The following CHCHD6 variants were observed in gnomAD, a reference collection of about 807,000 sequenced individuals.
CHCHD6 encodes coiled-coil-helix-coiled-coil-helix domain containing 6, also known as MICOS complex subunit MIC25.
In CHCHD6, 28 loss-of-function variants were observed where a neutral mutation model predicts 32.3. The ratio of observed to expected loss-of-function variants is 0.87; its 90% confidence interval spans 0.64 to 1.19. The LOEUF (loss-of-function observed/expected upper bound fraction) is 1.19, where lower values mean the gene tolerates loss of function less well. CHCHD6 is among the 50% of genes most tolerant of loss of function. The pLI is 0.00. For synonymous variants in CHCHD6, 122 were observed against 117.5 expected, an observed-to-expected ratio of 1.04 and a Z score of -0.25; for missense variants, 333 against 307.0, an observed-to-expected ratio of 1.08 and a Z score of -0.63.
rs1418823968 is a variant in CHCHD6, at chr3:126,763,245, T to TC, written c.411+30026dup. Among the ~76,000 whole-genome samples, 4 of 151,742 alleles carry TC rather than the reference T, an allele frequency of 2.6e-5. No homozygotes were observed. In the East Asian group the frequency reaches 7.8e-4, roughly 29 times the overall value. On this transcript the variant is annotated intron_variant, in intron 4 of 7. Coordinates refer to ENST00000290913, the MANE Select transcript of CHCHD6 (RefSeq NM_032343.3). ...TTCTTTTCCCTTTTCCTTTCCTTTT[T>TC]CCCTCTCCTTCCTTTCCTTCCCCTC...
intron 5 of CHCHD6, among the ~76,000 whole-genome samples, chr3:126,866,706 T>C (rs1049247075): frequency 7.9e-5 from 12 of 152,240 alleles, no homozygotes; most frequent in Non-Finnish European, 1.5e-5. Context: ...CGAGCCTTTC[T>C]TTCCTTGTCC....
intron 1 of CHCHD6, 60 bp downstream of exon 1, chr3:126,704,459 C>A: frequency 7.5e-6 from 8 of 1,067,802 alleles, no homozygotes; most frequent in African/African-American, 1.7e-5. Flanking sequence ...GGGGGAGGTG[C>A]GGGGCGGAGC....
At chr3:126,805,734 G>A (rs560918328) in intron 4 of CHCHD6, among the ~76,000 whole-genome samples, 111 of 152,202 alleles carry the variant, frequency 7.3e-4, no homozygotes, top group Admixed American at 2.0e-3. Flanking sequence ...AAAAGAGCCC[G>A]CATCGCCAAG....
In CHCHD6 at chr3:126,922,372, C is replaced by T. The variant is rs780430361; in HGVS notation, c.566+7622C>T. Among the ~76,000 whole-genome samples the T allele has an allele frequency of 1.3e-4, 20 of 152,180 alleles. No homozygotes were observed. The South Asian group carries it at 1.5e-3, about 11-fold the overall frequency. On this transcript the variant is annotated intron_variant, in intron 6 of 7. Transcript: ENST00000290913. ...TGTAAAACAGGGACGATGGTGGTGC[C>T]TACTTCTGTCAGCTTCTTATGAAAA...
intron 4 of CHCHD6, among the ~76,000 whole-genome samples, chr3:126,762,891 T>G (rs1269251291): frequency 6.6e-6 from 1 of 152,188 alleles, no homozygotes; most frequent in Non-Finnish European, 1.5e-5. Flanking sequence ...CACCCAGCTC[T>G]TTTAGTTATT....
intron 4 of CHCHD6, chr3:126,766,637 G>A (rs1937380850): frequency 9.7e-7 from 1 of 1,029,864 alleles, no homozygotes; most frequent in South Asian, 1.3e-5. Context: ...TCGGTGATGG[G>A]CCCCAGCTAT....
chr3:126,768,278 C>G lies in CHCHD6; in HGVS notation c.411+35056C>G, dbSNP rs73201778. ...GTAGCACCTCCCCTAACCTCTCTCTCTCGCTCCTGCTTCTGCCCTGTAAGA... is the reference window on the plus strand; with the variant it reads ...GTAGCACCTCCCCTAACCTCTCTCTGTCGCTCCTGCTTCTGCCCTGTAAGA... On this transcript the variant is annotated intron_variant, in intron 4 of 7. Transcript: ENST00000290913. Among the ~76,000 whole-genome samples the G allele has an allele frequency of 8.6e-3, 1,302 of 152,268 alleles. 10 individuals are homozygous for G. Among genetic ancestry groups the G allele is most frequent in the Middle Eastern group, 0.017 (5 of 294 alleles).
At chr3:126,795,240 A>G (rs958418410) in intron 4 of CHCHD6, among the ~76,000 whole-genome samples, 5 of 152,178 alleles carry the variant, frequency 3.3e-5, no homozygotes, top group African/African-American at 1.2e-4. Flanking sequence ...TCTGTCATTT[A>G]TAAGGTGTTT....
chr3:126,819,180 T>C (rs1413298846), intron 4 of CHCHD6, among the ~76,000 whole-genome samples: 3 of 152,324 alleles, frequency 2.0e-5, no homozygotes, highest in East Asian at 1.9e-4. Context: ...TCTGGCTTTT[T>C]TTCCAGATTG....
intron 1 of CHCHD6, among the ~76,000 whole-genome samples, chr3:126,722,230 G>A (rs1009726660): frequency 1.3e-5 from 2 of 152,232 alleles, no homozygotes; most frequent in African/African-American, 2.4e-5. Flanking sequence ...GTCATAGCTC[G>A]CTGTAACCAT....
At chr3:126,859,773 C>G (rs1325949626) in intron 5 of CHCHD6, among the ~76,000 whole-genome samples, 1 of 152,146 alleles carries the variant, frequency 6.6e-6, no homozygotes, top group Non-Finnish European at 1.5e-5. Flanking sequence ...CGTGCTGCCT[C>G]CCACCGCCTC....
intron 4 of CHCHD6, among the ~76,000 whole-genome samples, chr3:126,746,078 AGG>A (rs1317129563): frequency 6.6e-6 from 1 of 152,138 alleles, no homozygotes; most frequent in African/African-American, 2.4e-5. Flanking sequence ...AGGGTGGCTT[AGG>A]GGTATTGCTG....
intron 4 of CHCHD6, among the ~76,000 whole-genome samples, chr3:126,738,158 A>G (rs182256143): frequency 6.6e-6 from 1 of 152,274 alleles, no homozygotes; most frequent in Non-Finnish European, 1.5e-5. Context: ...CAATGCCCAG[A>G]TGCTCCAGGT....
intron 4 of CHCHD6, among the ~76,000 whole-genome samples, chr3:126,769,239 T>A (rs1559832834): frequency 6.6e-6 from 1 of 152,210 alleles, no homozygotes; most frequent in Non-Finnish European, 1.5e-5. Context: ...CTCTTCTGCA[T>A]ATAGCTAGCC....
chr3:126,796,938 A>G (rs972131760), intron 4 of CHCHD6, among the ~76,000 whole-genome samples: 2 of 151,968 alleles, frequency 1.3e-5, no homozygotes, highest in African/African-American at 4.8e-5. Flanking sequence ...CTTAGGTAGA[A>G]CTCTGCCAGG....
chr3:126,948,584 C>T (rs989353785), intron 6 of CHCHD6, among the ~76,000 whole-genome samples: 5 of 152,130 alleles, frequency 3.3e-5, no homozygotes, highest in African/African-American at 4.8e-5. Context: ...GGCCATGTTC[C>T]GAGGCTCCAG....
intron 4 of CHCHD6, among the ~76,000 whole-genome samples, chr3:126,792,864 T>C (rs1330236818): frequency 6.6e-6 from 1 of 152,188 alleles, no homozygotes; most frequent in Non-Finnish European, 1.5e-5. Context: ...TTTTTGTAGA[T>C]TTGCCTACTT....
intron 5 of CHCHD6, among the ~76,000 whole-genome samples, chr3:126,862,306 A>G (rs1450922621): frequency 2.5e-5 from 3 of 118,264 alleles, no homozygotes; most frequent in Non-Finnish European, 3.6e-5. Context: ...CTCCTCCTCT[A>G]CCATCATCAC....
At chr3:126,949,425 G>A (rs1439416293) in intron 6 of CHCHD6, 2 of 234,076 alleles carry the variant, frequency 8.5e-6, no homozygotes, top group Non-Finnish European at 1.7e-5. Context: ...GCCGTGGACG[G>A]AAGGGAAGGC....
Sources: gnomAD v4.1 joint callset for allele counts (sites outside exome capture counted in the v4.1 genomes callset) on GRCh38, gnomAD v4.1.1 for gene constraint, MANE v1.5 for transcripts, NCBI Gene and HGNC (gene_info 2026-07-23, HGNC 2026-07-21) for gene names.